Variants in CAMK2A observed in about 807,000 individuals in gnomAD.
CAMK2A encodes calcium/calmodulin dependent protein kinase II alpha.
A neutral mutation model predicts 79.2 loss-of-function variants in CAMK2A; 7 were observed. That is an observed-to-expected ratio of 0.09 (90% CI 0.05 to 0.17). The LOEUF is 0.17. Ranked by LOEUF, CAMK2A falls within the 10% of genes least tolerant of loss-of-function variation. The pLI, the probability that CAMK2A is intolerant of heterozygous loss-of-function variation, is 1.00. For synonymous variants in CAMK2A, 242 were observed against 251.7 expected, an observed-to-expected ratio of 0.96 and a Z score of 0.36; for missense variants, 214 against 646.4, an observed-to-expected ratio of 0.33 and a Z score of 7.25.
chr5:150,250,383 G>A, intron 10 of CAMK2A, 74 bp from the exon 11 acceptor site: 1 of 1,237,432 alleles, frequency 8.1e-7, no homozygotes, highest in Non-Finnish European at 1.2e-6. Context: ...GTACCCTTCA[G>A]CAGGGCATCT....
rs576774491 is a variant in CAMK2A, at chr5:150,235,127, A to G, written c.1066+3573T>C. 3.3e-5 allele frequency among the ~76,000 whole-genome samples: 5 copies of G among 152,258 alleles called. No individual in the cohort carries two copies. The South Asian group carries it at 8.3e-4, about 25-fold the overall frequency. On this transcript the variant is annotated intron_variant, in intron 15 of 18. Transcript: ENST00000671881. ...GGTAGCACTCTCTATCCCCTCCCCA[A>G]TTCTGGATATTATACCTCTATTAAT...
chr5:150,246,083 G>A (rs1302692260), intron 12 of CAMK2A, among the ~76,000 whole-genome samples: 2 of 152,352 alleles, frequency 1.3e-5, no homozygotes, highest in Admixed American at 6.5e-5. Context: ...GCCATGATAA[G>A]ACTTCTCCTG....
intron 18 of CAMK2A, 56 bp from the exon 19 acceptor site, chr5:150,222,769 C>T (rs1754380393): frequency 6.2e-7 from 1 of 1,608,524 alleles, no homozygotes; most frequent in Non-Finnish European, 8.5e-7. Flanking sequence ...CTTGGGCAAC[C>T]CACCCACCCT....
At position 150,257,586 on chromosome 5, in the gene CAMK2A, T is replaced by G. The variant is rs1756113391; in HGVS notation, c.249A>C (p.Gly83=). The G allele has an allele frequency of 6.4e-7, 1 of 1,570,548 alleles. No individual in the cohort carries two copies. The highest frequency in any genetic ancestry group is 2.4e-5 in the East Asian group (1 of 42,096). Residue 83 remains glycine (G), a synonymous_variant, in exon 4 of 19, where the codon GGA becomes GGC. Coordinates refer to ENST00000671881, the MANE Select transcript of CAMK2A (RefSeq NM_015981.4). ...VRLHDSISEE[G]HHYLIFDLVT... ...ACAGGTCGAAGATCAGGTAGTGGTG[T>G]CCCTCCTCTGAGATGCTGTCATGTA... is the stretch of plus-strand genomic sequence containing the variant.
intron 3 of CAMK2A, among the ~76,000 whole-genome samples, chr5:150,258,465 T>A (rs1461020035): frequency 6.6e-6 from 1 of 152,246 alleles, no homozygotes; most frequent in Admixed American, 6.5e-5. Flanking sequence ...GCTGCTAAAA[T>A]AATGCGGCAG....
At position 150,231,357 on chromosome 5, in the gene CAMK2A, C is replaced by A. The variant is rs1190483281; in HGVS notation, c.1090G>T (p.Val364Leu). The A allele has an allele frequency of 6.3e-7, 1 of 1,586,152 alleles. No homozygotes were observed. The highest frequency in any genetic ancestry group is 8.6e-7 in the Non-Finnish European group (1 of 1,166,232). ...ATGGCTTCAATCAGCTGCTCTGTCACTTTTATAATTTCCTGTTTCCGCACT... is the reference window on the plus strand; with the variant it reads ...ATGGCTTCAATCAGCTGCTCTGTCAATTTTATAATTTCCTGTTTCCGCACT... Reference protein sequence around the residue: ...TKVRKQEIIKVTEQLIEAISN... With the variant: ...TKVRKQEIIKLTEQLIEAISN... The change falls in exon 16 of 19, where the codon GTG (valine) becomes TTG (leucine). Residue 364 changes from valine to leucine, a missense_variant. Physicochemically the swap from Val to Leu is conservative, Grantham distance 32. Coordinates refer to ENST00000671881, the MANE Select transcript of CAMK2A (RefSeq NM_015981.4).
chr5:150,271,034 C>A (rs1045625181), intron 2 of CAMK2A, among the ~76,000 whole-genome samples: 2 of 152,202 alleles, frequency 1.3e-5, no homozygotes, highest in African/African-American at 4.8e-5. Flanking sequence ...CCCACTGGGG[C>A]AATCTTAACC....
chr5:150,287,386 G>A (rs910780594), intron 1 of CAMK2A, among the ~76,000 whole-genome samples: 1 of 152,188 alleles, frequency 6.6e-6, no homozygotes, highest in Non-Finnish European at 1.5e-5. Flanking sequence ...AGAGCAGTCT[G>A]ATGGTTCTGG....
Position 150,269,067 on chromosome 5 carries a change from C to T in CAMK2A, c.157+3998G>A, listed in dbSNP as rs533036523. On this transcript the variant is annotated intron_variant, in intron 2 of 18. Transcript: ENST00000671881. ...AGACATGAGCCACCAAACCCAGCCC[C>T]ACTCTAATAATTAATTAATTGATGA... 6.6e-5 allele frequency among the ~76,000 whole-genome samples: 10 copies of T among 152,140 alleles called. No homozygotes were observed. In the East Asian group the frequency reaches 1.2e-3, roughly 18 times the overall value.
Position 150,221,353 on chromosome 5 carries a change from A to G in CAMK2A, c.*1357T>C. 5.0e-6 allele frequency: 2 copies of G among 398,434 alleles called. No homozygotes were observed. Among genetic ancestry groups the G allele is most frequent in the Non-Finnish European group, 8.8e-6 (2 of 226,022 alleles). 24.7% of individuals were successfully genotyped at this position (398,434 alleles called of 1,614,324 possible). A position where few individuals can be genotyped will look rare whatever the true frequency, so the allele number is the denominator to read the frequency against. On this transcript the variant is annotated 3_prime_UTR_variant, in exon 19 of 19. Transcript: ENST00000671881. ...GGCTGCAGGATGAGGCATGAAGAGT[A>G]GAAATTCCCAGTGCTTTGCTGTGGT...
intron 17 of CAMK2A, among the ~76,000 whole-genome samples, chr5:150,226,203 CCAGTGGGGTTTGCTAATGTGCAGATA>C (rs1255360024): frequency 1.3e-5 from 2 of 151,980 alleles, no homozygotes; most frequent in Non-Finnish European, 2.9e-5. Flanking sequence ...AGTGTCAGTC[CCAGTGGGGTTTGCTAATGTGCAGATA>C]CAGCAGGTGC....
At chr5:150,286,880 A>G (rs1384052035) in intron 1 of CAMK2A, among the ~76,000 whole-genome samples, 1 of 152,256 alleles carries the variant, frequency 6.6e-6, no homozygotes, top group Admixed American at 6.5e-5. Flanking sequence ...CCCCAGTAGC[A>G]ATCGGCCCTG....
intron 16 of CAMK2A, 37 bp downstream of exon 16, chr5:150,231,268 C>T: frequency 7.7e-7 from 1 of 1,301,210 alleles, no homozygotes; most frequent in Middle Eastern, 1.9e-4. Flanking sequence ...GAACAACAAT[C>T]CAGGCAGGAC....
At chr5:150,274,389 T>C (rs1756870039) in intron 1 of CAMK2A, among the ~76,000 whole-genome samples, 1 of 152,144 alleles carries the variant, frequency 6.6e-6, no homozygotes. Flanking sequence ...TCCCAATTTT[T>C]AAATATTGGC....
At position 150,222,290 on chromosome 5, in the gene CAMK2A, G is replaced by C. The variant is rs1754351163; in HGVS notation, c.*420C>G. 2 of 585,158 alleles carry C rather than the reference G, an allele frequency of 3.4e-6. No individual in the cohort carries two copies. The highest frequency in any genetic ancestry group is 3.0e-5 in the Admixed American group (1 of 33,754). The allele number at this position is 585,158 out of a possible 1,614,324, so 36.2% of individuals were successfully genotyped here. On this transcript the variant is annotated 3_prime_UTR_variant, in exon 19 of 19. Transcript: ENST00000671881. ...CCCTTCCCCGGGGACACTGGAAGAG[G>C]AGAGGTCTGGGAGAGGGACGGACGG...
chr5:150,237,724 C>T (rs554757290), intron 15 of CAMK2A, among the ~76,000 whole-genome samples: 2 of 152,242 alleles, frequency 1.3e-5, no homozygotes, highest in African/African-American at 2.4e-5. Flanking sequence ...GCAGCACCTA[C>T]TTCATGGGCT....
chr5:150,232,751 T>C (rs1754901177), intron 15 of CAMK2A, among the ~76,000 whole-genome samples: 1 of 152,218 alleles, frequency 6.6e-6, no homozygotes, highest in Non-Finnish European at 1.5e-5. Context: ...TCACCAGCCC[T>C]GTCCTCACCA....
chr5:150,253,857 A>AAGC (rs139916117), intron 6 of CAMK2A, among the ~76,000 whole-genome samples: 31,820 of 149,054 alleles, frequency 0.21, 3,705 homozygotes, highest in African/African-American at 0.33. Context: ...CACCACAATA[A>AAGC]AGCAGCAGCA....
intron 9 of CAMK2A, among the ~76,000 whole-genome samples, chr5:150,251,100 T>C (rs1190627463): frequency 6.6e-6 from 1 of 152,242 alleles, no homozygotes; most frequent in Non-Finnish European, 1.5e-5. Context: ...TCAAAAGGCC[T>C]GGATTCAAGT....
Sources: allele counts gnomAD v4.1 joint callset (sites outside exome capture counted in the v4.1 genomes callset), GRCh38; gene constraint gnomAD v4.1.1; transcripts MANE v1.5; gene names NCBI Gene and HGNC (gene_info 2026-07-23, HGNC 2026-07-21).